TG: variants seen among roughly 807,000 people sequenced by gnomAD.
The protein encoded by TG is thyroglobulin, also known as thyroid hormones.
TG carries 270 observed loss-of-function variants against 324.7 expected under a neutral mutation model. The ratio of observed to expected loss-of-function variants is 0.83; its 90% CI spans 0.75 to 0.92. The LOEUF (loss-of-function observed/expected upper bound fraction) is 0.92. Among genes scored for constraint, TG ranks in the 40% least tolerant of loss-of-function variants. The pLI, the probability that TG is intolerant of heterozygous loss-of-function variation, is 0.00. For synonymous variants in TG, 1,401 were observed against 1,327.0 expected (o/e 1.06, Z -1.21); for missense variants, 3,591 against 3,456.4 (o/e 1.04, Z -0.98).
chr8:132,976,834 T>G (rs1300292731), intron 34 of TG, among the ~76,000 whole-genome samples: 1 of 149,514 alleles, frequency 6.7e-6, no homozygotes, highest in Non-Finnish European at 1.5e-5. Flanking sequence ...CAGGACAGGG[T>G]TCTTTCTCCC....
At chr8:133,040,182 G>C (rs1428319094) in intron 41 of TG, 3 of 1,551,884 alleles carry the variant, frequency 1.9e-6, no homozygotes, top group South Asian at 2.4e-5. Flanking sequence ...GCCTCAGCCA[G>C]TGTGGGGTTC....
intron 10 of TG, among the ~76,000 whole-genome samples, chr8:132,892,071 G>A (rs929119720): frequency 5.9e-5 from 9 of 152,302 alleles, no homozygotes; most frequent in Admixed American, 2.0e-4. Context: ...GCTGAAGCTC[G>A]GAGAAGTTAA....
intron 29 of TG, 144 bp downstream of exon 29, chr8:132,963,218 T>G: frequency 2.4e-6 from 2 of 850,806 alleles, no homozygotes; most frequent in Admixed American, 2.0e-5. Flanking sequence ...TTTAACCCAA[T>G]TATCCAGCTC....
chr8:133,112,539 A>G (rs1364925778), intron 43 of TG, among the ~76,000 whole-genome samples: 1 of 151,454 alleles, frequency 6.6e-6, no homozygotes, highest in Non-Finnish European at 1.5e-5. Context: ...AATTTCAGAG[A>G]GAAATAGAGA....
intron 23 of TG, among the ~76,000 whole-genome samples, chr8:132,933,232 T>TTTGG: frequency 3.0e-5 from 1 of 33,230 alleles, no homozygotes; most frequent in Non-Finnish European, 6.8e-5. Flanking sequence ...GTGTGTGTAT[T>TTTGG]TGAATGTGTA....
At chr8:133,035,746 C>T (rs561891368) in intron 41 of TG, among the ~76,000 whole-genome samples, 20 of 152,286 alleles carry the variant, frequency 1.3e-4, no homozygotes, top group African/African-American at 4.6e-4. Flanking sequence ...CACAGGTTTT[C>T]CTTTTGTTCA....
intron 35 of TG, among the ~76,000 whole-genome samples, chr8:132,988,399 A>G (rs1276764775): frequency 6.6e-6 from 1 of 152,228 alleles, no homozygotes; most frequent in Non-Finnish European, 1.5e-5. Context: ...CAAGTAGCTC[A>G]GTGTTGCAGG....
chr8:133,003,679 C>T (rs184564613), intron 35 of TG, among the ~76,000 whole-genome samples: 5 of 152,304 alleles, frequency 3.3e-5, no homozygotes, highest in East Asian at 1.9e-4. Context: ...CCCAGAGGCC[C>T]GCCTGTGCAG....
At chr8:133,101,337 C>T (rs141680379) in intron 43 of TG, among the ~76,000 whole-genome samples, 1 of 152,274 alleles carries the variant, frequency 6.6e-6, no homozygotes, top group Non-Finnish European at 1.5e-5. Context: ...CTTGTATTGC[C>T]CTCCCTTGCC....
At chr8:132,986,068 T>C (rs1831484701) in intron 35 of TG, among the ~76,000 whole-genome samples, 3 of 152,286 alleles carry the variant, frequency 2.0e-5, no homozygotes, top group African/African-American at 7.2e-5. Context: ...TGCTAAGCAT[T>C]TAAACTTCAT....
chr8:132,897,130 G>A (rs1817233542), intron 11 of TG, among the ~76,000 whole-genome samples: 1 of 152,202 alleles, frequency 6.6e-6, no homozygotes, highest in Non-Finnish European at 1.5e-5. Flanking sequence ...GGCAGCTGAT[G>A]TCAATCGCCC....
intron 9 of TG, 80 bp from the exon 10 acceptor site, chr8:132,887,904 A>G: frequency 1.5e-6 from 2 of 1,309,644 alleles, no homozygotes; most frequent in Non-Finnish European, 2.2e-6. Context: ...CGGAGTTTGG[A>G]CAGTTAAGTG....
chr8:133,077,936 A>C (rs1031137682), intron 41 of TG, among the ~76,000 whole-genome samples: 1 of 152,024 alleles, frequency 6.6e-6, no homozygotes, highest in Non-Finnish European at 1.5e-5. Flanking sequence ...GGGAGCAAAA[A>C]TTGCCCCCAG....
Position 132,873,228 on chromosome 8 carries a change from G to A in TG, c.638+7G>A. 6.2e-7 allele frequency: 1 copy of A among 1,614,020 alleles called. No individual in the cohort carries two copies. Among genetic ancestry groups the A allele is most frequent in the Non-Finnish European group, 8.5e-7 (1 of 1,179,986 alleles). ...TGGTCCACAGCTACAACAGGTAAGGGGAGCAGGGGTGTGCCAGTCACTGGG... is the reference window on the plus strand; with the variant it reads ...TGGTCCACAGCTACAACAGGTAAGGAGAGCAGGGGTGTGCCAGTCACTGGG... On this transcript the variant is annotated splice_region_variant and intron_variant, in intron 5 of 47. Transcript: ENST00000220616.
chr8:132,916,046 C>T (rs6981934), intron 20 of TG, among the ~76,000 whole-genome samples: 11,114 of 152,160 alleles, frequency 0.073, 1,261 homozygotes, highest in African/African-American at 0.24. Context: ...TTATTAATTC[C>T]ATCTTATGCA....
chr8:133,095,455 G>A (rs995185843), intron 42 of TG, among the ~76,000 whole-genome samples: 10 of 152,116 alleles, frequency 6.6e-5, no homozygotes, highest in African/African-American at 2.4e-4. Context: ...TTATAACATG[G>A]GAATAGTTAT....
chr8:133,029,679 G>A, intron 40 of TG, 142 bp from the exon 41 acceptor site: 3 of 980,254 alleles, frequency 3.1e-6, no homozygotes, highest in Non-Finnish European at 4.8e-6. Context: ...ACTGTATTTG[G>A]AACCCACAGT....
intron 36 of TG, 51 bp from the exon 37 acceptor site, chr8:133,013,549 G>C (rs1466566934): frequency 6.2e-7 from 1 of 1,609,978 alleles, no homozygotes; most frequent in Non-Finnish European, 8.5e-7. Flanking sequence ...ATGCATGAGT[G>C]AAGTAACATC....
intron 35 of TG, among the ~76,000 whole-genome samples, chr8:133,004,158 C>T (rs751179801): frequency 8.7e-5 from 13 of 148,980 alleles, no homozygotes; most frequent in Non-Finnish European, 1.8e-4. Flanking sequence ...AGGGGCAAGG[C>T]CTCTTACTTC....
Sources: allele counts gnomAD v4.1 joint callset (sites outside exome capture counted in the v4.1 genomes callset), GRCh38; gene constraint gnomAD v4.1.1; transcripts MANE v1.5; gene names NCBI Gene and HGNC (gene_info 2026-07-23, HGNC 2026-07-21).